ZFPM2: variants seen among roughly 807,000 people sequenced by gnomAD.
The protein encoded by ZFPM2 is zinc finger protein, FOG family member 2.
ZFPM2 carries 20 observed loss-of-function variants against 98.6 expected under a neutral mutation model. The observed-to-expected ratio is 0.20, with a 90% CI of 0.14 to 0.29. ZFPM2 has a LOEUF of 0.29. ZFPM2 is among the 10% of genes least tolerant of loss of function. The pLI is 1.00. For synonymous variants in ZFPM2, 518 were observed against 502.7 expected, an observed-to-expected ratio of 1.03 and a Z score of -0.41; for missense variants, 1,310 against 1,388.6, an observed-to-expected ratio of 0.94 and a Z score of 0.90.
intron 3 of ZFPM2, among the ~76,000 whole-genome samples, chr8:105,469,467 C>T (rs753540418): frequency 1.6e-4 from 25 of 152,044 alleles, no homozygotes; most frequent in Non-Finnish European, 3.7e-4. Context: ...TCTTCTCTAC[C>T]TGCCCATTGC....
In ZFPM2 at chr8:105,710,399, C is replaced by T. The variant is rs1386443020; in HGVS notation, c.532+76042C>T. 2.6e-5 allele frequency among the ~76,000 whole-genome samples: 4 copies of T among 152,154 alleles called. No homozygotes were observed. In the South Asian group the frequency reaches 6.2e-4, roughly 24 times the overall value. On this transcript the variant is annotated intron_variant, in intron 5 of 7. Coordinates refer to ENST00000407775, the MANE Select transcript of ZFPM2 (RefSeq NM_012082.4). The stretch of plus-strand genomic sequence containing the variant: ...GCCCATTGGCTCTTAATAAGCATAT[C>T]ACTTCTGCCTAGATTTCATTGGCCT...
chr8:105,323,065 T>C (rs1392612644), intron 1 of ZFPM2, among the ~76,000 whole-genome samples: 1 of 151,806 alleles, frequency 6.6e-6, no homozygotes, highest in Non-Finnish European at 1.5e-5. Flanking sequence ...GTTGGATCAT[T>C]TCTATAACCT....
intron 3 of ZFPM2, among the ~76,000 whole-genome samples, chr8:105,549,766 G>T (rs565514447): frequency 6.6e-6 from 1 of 151,544 alleles, no homozygotes; most frequent in Admixed American, 6.6e-5. Context: ...CACAAGCCAC[G>T]ATGTCTGGCT....
chr8:105,629,918 G>A (rs1816725684), intron 4 of ZFPM2, among the ~76,000 whole-genome samples: 1 of 152,052 alleles, frequency 6.6e-6, no homozygotes, highest in Admixed American at 6.6e-5. Flanking sequence ...GGGCCCATCT[G>A]GATAGTCTAG....
Position 105,646,548 on chromosome 8 carries a change from A to G in ZFPM2, c.532+12191A>G, listed in dbSNP as rs13281236. Among the ~76,000 whole-genome samples the G allele has an allele frequency of 6.0e-3, 906 of 152,190 alleles. 1 individual carries two copies. The highest frequency in any genetic ancestry group is 9.6e-3 in the Non-Finnish European group (654 of 67,998). On this transcript the variant is annotated intron_variant, in intron 5 of 7. Transcript: ENST00000407775. ...AATCTGCTAGCAGACTTAGGATTTC[A>G]TTTTTTATTTCTCAATACTAAAGGC...
chr8:105,456,504 A>G lies in ZFPM2; in HGVS notation c.301+12123A>G, dbSNP rs560966978. On this transcript the variant is annotated intron_variant, in intron 3 of 7. Coordinates refer to ENST00000407775, the MANE Select transcript of ZFPM2 (RefSeq NM_012082.4). ...CTCTGGTAATTGATTAAAATTATTC[A>G]TTATCATTTACCTCTTATTTTTGCC... is the stretch of plus-strand genomic sequence containing the variant. Among the ~76,000 whole-genome samples the G allele has an allele frequency of 6.6e-5, 10 of 152,240 alleles. No individual in the cohort carries two copies. In the South Asian group the frequency reaches 1.0e-3, roughly 16 times the overall value.
At chr8:105,455,783 A>G (rs1317204058) in intron 3 of ZFPM2, among the ~76,000 whole-genome samples, 2 of 152,204 alleles carry the variant, frequency 1.3e-5, no homozygotes, top group Non-Finnish European at 2.9e-5. Flanking sequence ...ACTAAAGGAA[A>G]GGCATGTTTA....
At chr8:105,491,501 G>A (rs1813355519) in intron 3 of ZFPM2, among the ~76,000 whole-genome samples, 2 of 152,238 alleles carry the variant, frequency 1.3e-5, no homozygotes, top group African/African-American at 4.8e-5. Context: ...CAGGCTGGCC[G>A]TTAAGTAAAT....
At chr8:105,562,589 C>T (rs1195492057) in intron 4 of ZFPM2, among the ~76,000 whole-genome samples, 2 of 152,090 alleles carry the variant, frequency 1.3e-5, no homozygotes, top group African/African-American at 4.8e-5. Context: ...CTGTTTTCTT[C>T]CTTTTCCAGT....
intron 5 of ZFPM2, chr8:105,784,841 G>C (rs181349352): frequency 6.9e-6 from 1 of 145,756 alleles, no homozygotes; most frequent in Non-Finnish European, 1.5e-5. Flanking sequence ...AGTAATTGAA[G>C]TTACGTTACA....
chr8:105,394,636 G>A (rs1811185942), intron 1 of ZFPM2, among the ~76,000 whole-genome samples: 1 of 152,188 alleles, frequency 6.6e-6, no homozygotes, highest in Non-Finnish European at 1.5e-5. Flanking sequence ...GTAAAAGCGA[G>A]TACATCCCAA....
At chr8:105,730,238 G>A (rs1329587996) in intron 5 of ZFPM2, among the ~76,000 whole-genome samples, 1 of 151,664 alleles carries the variant, frequency 6.6e-6, no homozygotes, top group Non-Finnish European at 1.5e-5. Context: ...GCAGTGTCCA[G>A]GAATGAAATA....
At chr8:105,473,255 A>C (rs937721904) in intron 3 of ZFPM2, among the ~76,000 whole-genome samples, 2 of 151,352 alleles carry the variant, frequency 1.3e-5, no homozygotes, top group South Asian at 2.1e-4. Context: ...AGGATCTTCT[A>C]TGATCTTTCT....
intron 3 of ZFPM2, among the ~76,000 whole-genome samples, chr8:105,543,984 A>G (rs577608695): frequency 1.3e-5 from 2 of 152,312 alleles, no homozygotes; most frequent in African/African-American, 4.8e-5. Flanking sequence ...AATGGAAGAC[A>G]TGAACAATTC....
chr8:105,577,137 A>G (rs1466044735), intron 4 of ZFPM2, among the ~76,000 whole-genome samples: 2 of 152,156 alleles, frequency 1.3e-5, no homozygotes, highest in African/African-American at 4.8e-5. Flanking sequence ...AACTTGACTC[A>G]GTATTTATTT....
At chr8:105,570,653 ATAGCTAGCCTGT>A (rs1332524574) in intron 4 of ZFPM2, among the ~76,000 whole-genome samples, 1 of 152,212 alleles carries the variant, frequency 6.6e-6, no homozygotes, top group Non-Finnish European at 1.5e-5. Context: ...CCTTTTGTGT[ATAGCTAGCCTGT>A]TAACCTCAAT....
At chr8:105,722,546 GTTATGT>G (rs1811693238) in intron 5 of ZFPM2, among the ~76,000 whole-genome samples, 1 of 151,868 alleles carries the variant, frequency 6.6e-6, no homozygotes, top group Non-Finnish European at 1.5e-5. Context: ...TATTTTGTAT[GTTATGT>G]TTATTATACT....
intron 3 of ZFPM2, among the ~76,000 whole-genome samples, chr8:105,469,848 C>T (rs895411772): frequency 6.6e-6 from 1 of 152,162 alleles, no homozygotes; most frequent in African/African-American, 2.4e-5. Flanking sequence ...CACAAAGCCA[C>T]ATAGCTCATC....
chr8:105,542,498 G>A (rs749173581), intron 3 of ZFPM2, among the ~76,000 whole-genome samples: 2 of 152,238 alleles, frequency 1.3e-5, no homozygotes, highest in Non-Finnish European at 2.9e-5. Flanking sequence ...AACTGCATGA[G>A]TTCCAGAATT....
Sources: allele counts gnomAD v4.1 joint callset (sites outside exome capture counted in the v4.1 genomes callset), GRCh38; gene constraint gnomAD v4.1.1; transcripts MANE v1.5; gene names NCBI Gene and HGNC (gene_info 2026-07-23, HGNC 2026-07-21).